Variants in SMYD3 observed in about 807,000 individuals in gnomAD.
The protein encoded by SMYD3 is histone-lysine N-methyltransferase SMYD3.
A neutral mutation model predicts 57.7 loss-of-function variants in SMYD3; 36 were observed. That is an observed-to-expected ratio of 0.62 (90% CI 0.48 to 0.82). The LOEUF (loss-of-function observed/expected upper bound fraction) is 0.82. Among genes scored for constraint, SMYD3 ranks in the 40% least tolerant of loss-of-function variants. SMYD3 has a pLI of 0.00. For missense variants in SMYD3, 515 were observed against 538.8 expected (o/e 0.96, Z 0.44); for synonymous variants, 211 against 195.0 (o/e 1.08, Z -0.68).
At chr1:245,920,163 A>G (rs1278039562) in intron 7 of SMYD3, among the ~76,000 whole-genome samples, 1 of 152,024 alleles carries the variant, frequency 6.6e-6, no homozygotes, top group Non-Finnish European at 1.5e-5. Context: ...AATACAAAAA[A>G]TTAGCCAGGC....
At chr1:246,225,325 A>T (rs2063312851) in intron 5 of SMYD3, among the ~76,000 whole-genome samples, 1 of 47,792 alleles carries the variant, frequency 2.1e-5, no homozygotes. Flanking sequence ...AAAAGTCAAA[A>T]AAAAAAAAAA....
intron 10 of SMYD3, among the ~76,000 whole-genome samples, chr1:245,818,518 T>C (rs986549300): frequency 2.0e-5 from 3 of 152,120 alleles, no homozygotes; most frequent in African/African-American, 7.2e-5. Flanking sequence ...AACATCATAA[T>C]GACAGGATCA....
intron 1 of SMYD3, among the ~76,000 whole-genome samples, chr1:246,471,703 T>C (rs2103049268): frequency 6.6e-6 from 1 of 152,394 alleles, no homozygotes; most frequent in Middle Eastern, 3.4e-3. Context: ...GGATTTCATT[T>C]TGGGCTCATC....
chr1:246,432,537 C>A (rs78408659), intron 1 of SMYD3, among the ~76,000 whole-genome samples: 9,813 of 152,212 alleles, frequency 0.064, 618 homozygotes, highest in East Asian at 0.31. Context: ...GCAGGAGATT[C>A]TCTTTAATGA....
At chr1:245,759,230 C>T (rs1010381332) in intron 11 of SMYD3, among the ~76,000 whole-genome samples, 24 of 152,086 alleles carry the variant, frequency 1.6e-4, no homozygotes, top group African/African-American at 5.8e-4. Context: ...AATATTAGAG[C>T]CAGGGGCTTC....
At chr1:245,881,586 AGGCACTGTATTG>A (rs985774290) in intron 8 of SMYD3, among the ~76,000 whole-genome samples, 1 of 152,224 alleles carries the variant, frequency 6.6e-6, no homozygotes, top group African/African-American at 2.4e-5. Flanking sequence ...CAAATTTATT[AGGCACTGTATTG>A]GGCACTGAGG....
intron 10 of SMYD3, among the ~76,000 whole-genome samples, chr1:245,811,076 T>C (rs1007581434): frequency 6.6e-6 from 1 of 152,194 alleles, no homozygotes; most frequent in African/African-American, 2.4e-5. Flanking sequence ...TAGTCCCTCC[T>C]GGAATTTGTA....
intron 10 of SMYD3, among the ~76,000 whole-genome samples, chr1:245,835,693 C>G (rs1296830875): frequency 6.6e-6 from 1 of 152,146 alleles, no homozygotes; most frequent in East Asian, 1.9e-4. Flanking sequence ...AGGAAGGCCT[C>G]AAGAACAATC....
intron 5 of SMYD3, among the ~76,000 whole-genome samples, chr1:246,144,127 G>C (rs568999750): frequency 1.3e-5 from 2 of 152,132 alleles, no homozygotes; most frequent in Non-Finnish European, 1.5e-5. Flanking sequence ...CCTCCCTGTC[G>C]AGCTGACAAG....
rs113439156 is a variant in SMYD3, at chr1:245,749,497, G to A, written c.*66C>T. On this transcript the variant is annotated 3_prime_UTR_variant, in exon 12 of 12. Coordinates refer to ENST00000490107, the MANE Select transcript of SMYD3 (RefSeq NM_001167740.2). Reference sequence around the variant, plus strand: ...AGGTTCACACAGCTAACAAAGCATAGAGTGTGTGACCTCAATAAGGCATTC... The same window carrying A: ...AGGTTCACACAGCTAACAAAGCATAAAGTGTGTGACCTCAATAAGGCATTC... 1.0e-5 allele frequency: 12 copies of A among 1,205,470 alleles called. No individual in the cohort carries two copies. The African/African-American group carries it at 1.6e-4, about 16-fold the overall frequency. The allele number at this position is 1,205,470 out of a possible 1,614,324, so 74.7% of individuals were successfully genotyped here.
At chr1:245,830,963 C>T (rs1023349605) in intron 10 of SMYD3, among the ~76,000 whole-genome samples, 2 of 152,158 alleles carry the variant, frequency 1.3e-5, no homozygotes, top group Non-Finnish European at 2.9e-5. Context: ...TGCCCCCCTC[C>T]TCGCTACAGA....
intron 1 of SMYD3, among the ~76,000 whole-genome samples, chr1:246,364,489 G>A (rs1292119640): frequency 6.6e-6 from 1 of 152,142 alleles, no homozygotes; most frequent in Admixed American, 6.5e-5. Flanking sequence ...GTCTTATTAT[G>A]CCGACTTTAG....
intron 1 of SMYD3, among the ~76,000 whole-genome samples, chr1:246,392,330 A>G (rs2066586970): frequency 6.6e-6 from 1 of 152,202 alleles, no homozygotes; most frequent in African/African-American, 2.4e-5. Flanking sequence ...TGAAAGAATT[A>G]CTTTAGGCAA....
chr1:246,267,304 C>G (rs994879454), intron 5 of SMYD3, among the ~76,000 whole-genome samples: 1 of 151,998 alleles, frequency 6.6e-6, no homozygotes, highest in African/African-American at 2.4e-5. Context: ...AGGTGATGAA[C>G]TGAAGTTTTA....
At chr1:246,065,354 G>A (rs1054825246) in intron 5 of SMYD3, among the ~76,000 whole-genome samples, 1 of 152,162 alleles carries the variant, frequency 6.6e-6, no homozygotes, top group African/African-American at 2.4e-5. Context: ...CAGTCAATGT[G>A]CTGCTGAAAA....
chr1:246,245,778 C>T (rs989614858), intron 5 of SMYD3, among the ~76,000 whole-genome samples: 10 of 152,170 alleles, frequency 6.6e-5, no homozygotes, highest in African/African-American at 2.2e-4. Flanking sequence ...CAATGAACCA[C>T]TAAAGGCCTT....
At chr1:246,205,047 C>A (rs564670283) in intron 5 of SMYD3, among the ~76,000 whole-genome samples, 1 of 152,312 alleles carries the variant, frequency 6.6e-6, no homozygotes, top group South Asian at 2.1e-4. Context: ...CCACTCCGAA[C>A]TACACTGAAT....
At chr1:246,419,487 T>C (rs1340106277) in intron 1 of SMYD3, among the ~76,000 whole-genome samples, 1 of 152,156 alleles carries the variant, frequency 6.6e-6, no homozygotes, top group African/African-American at 2.4e-5. Flanking sequence ...GGGGGCGTGG[T>C]AGACCAGGGT....
chr1:246,070,943 T>C (rs924009000), intron 5 of SMYD3, among the ~76,000 whole-genome samples: 3 of 152,218 alleles, frequency 2.0e-5, no homozygotes, highest in Admixed American at 6.5e-5. Flanking sequence ...CAACCATAAA[T>C]TTTAATTCTA....
Sources: gnomAD v4.1 joint callset for allele counts (sites outside exome capture counted in the v4.1 genomes callset) on GRCh38, gnomAD v4.1.1 for gene constraint, MANE v1.5 for transcripts, NCBI Gene and HGNC (gene_info 2026-07-23, HGNC 2026-07-21) for gene names.